The following FGF14 variants were observed in gnomAD, a reference collection of about 807,000 sequenced individuals.
FGF14 encodes the protein fibroblast growth factor homologous factor 4.
A neutral mutation model predicts 25.5 loss-of-function variants in FGF14; 5 were observed. The ratio of observed to expected loss-of-function variants is 0.20; its 90% CI spans 0.10 to 0.41. The LOEUF is 0.41. FGF14 is among the 10% of genes least tolerant of loss of function. The pLI, the probability that FGF14 is intolerant of heterozygous loss-of-function variation, is 1.00. For synonymous variants in FGF14, 138 were observed against 118.3 expected (o/e 1.17, Z -1.08); for missense variants, 222 against 320.1 (o/e 0.69, Z 2.34).
At chr13:101,867,669 G>C (rs544855850) in intron 3 of FGF14, among the ~76,000 whole-genome samples, 1 of 152,012 alleles carries the variant, frequency 6.6e-6, no homozygotes, top group Non-Finnish European at 1.5e-5. Flanking sequence ...CTGCATATTC[G>C]TCTTGTGCGA....
intron 1 of FGF14, chr13:102,366,592 C>CTGAAACACTG (rs1258926060): frequency 2.5e-5 from 3 of 121,770 alleles, no homozygotes; most frequent in Non-Finnish European, 4.7e-5. Flanking sequence ...CAAGCACTGG[C>CTGAAACACTG]TGAAACACTG....
intron 3 of FGF14, among the ~76,000 whole-genome samples, chr13:101,746,499 C>T (rs1045078946): frequency 6.6e-6 from 1 of 151,960 alleles, no homozygotes; most frequent in African/African-American, 2.4e-5. Context: ...CATGCAATGT[C>T]GAATGCAATT....
intron 1 of FGF14, among the ~76,000 whole-genome samples, chr13:101,953,899 G>C (rs75507154): frequency 0.022 from 3,349 of 152,076 alleles, 43 homozygotes; most frequent in Non-Finnish European, 0.034. Context: ...CAGCTTTCTA[G>C]ATTTTTACCA....
chr13:101,791,286 T>G (rs532611517), intron 3 of FGF14, among the ~76,000 whole-genome samples: 3 of 152,168 alleles, frequency 2.0e-5, no homozygotes, highest in African/African-American at 7.2e-5. Context: ...ATAGGCGGCA[T>G]GAATATTTTG....
chr13:102,106,637 A>C (rs1217481872), intron 1 of FGF14, among the ~76,000 whole-genome samples: 5 of 151,990 alleles, frequency 3.3e-5, no homozygotes, highest in Non-Finnish European at 7.4e-5. Flanking sequence ...AGAGAGAGAA[A>C]GAAAGAAAAG....
At chr13:102,161,613 G>GTC (rs2047689839) in intron 1 of FGF14, among the ~76,000 whole-genome samples, 1 of 3,334 alleles carries the variant, frequency 3.0e-4, no homozygotes, top group African/African-American at 2.4e-3. Context: ...AGAAGAAGAA[G>GTC]AAGAAGAAGA....
chr13:102,004,108 T>C (rs1322213575), intron 1 of FGF14, among the ~76,000 whole-genome samples: 1 of 152,176 alleles, frequency 6.6e-6, no homozygotes, highest in Non-Finnish European at 1.5e-5. Context: ...CTGCATTGAC[T>C]AGCATTATTC....
At chr13:102,332,487 T>G (rs2056663131) in intron 1 of FGF14, among the ~76,000 whole-genome samples, 1 of 152,152 alleles carries the variant, frequency 6.6e-6, no homozygotes, top group Non-Finnish European at 1.5e-5. Flanking sequence ...AATCCAAAAA[T>G]GCAAGAGTGA....
intron 1 of FGF14, among the ~76,000 whole-genome samples, chr13:102,144,733 T>C (rs75671078): frequency 0.014 from 2,067 of 152,240 alleles, 46 homozygotes; most frequent in African/African-American, 0.047. Context: ...TTGAATTGCA[T>C]TGATCCCAGA....
At chr13:102,188,167 A>G (rs2048947640) in intron 1 of FGF14, among the ~76,000 whole-genome samples, 1 of 152,182 alleles carries the variant, frequency 6.6e-6, no homozygotes. Context: ...TTGGCTATCT[A>G]TCATGAAGTA....
chr13:102,100,376 G>A (rs762344682), intron 1 of FGF14, among the ~76,000 whole-genome samples: 18 of 137,180 alleles, frequency 1.3e-4, no homozygotes, highest in Non-Finnish European at 1.5e-4. Flanking sequence ...AAAATGCCAC[G>A]CCCTCCTAGC....
intron 1 of FGF14, among the ~76,000 whole-genome samples, chr13:102,019,486 T>C (rs1316925588): frequency 6.6e-6 from 1 of 152,082 alleles, no homozygotes; most frequent in Non-Finnish European, 1.5e-5. Flanking sequence ...AAACATCCCA[T>C]CTGTCCCTGG....
At chr13:102,048,281 T>C (rs903921718) in intron 1 of FGF14, among the ~76,000 whole-genome samples, 1 of 152,134 alleles carries the variant, frequency 6.6e-6, no homozygotes, top group Admixed American at 6.5e-5. Flanking sequence ...TTTTGTCTTC[T>C]AGAAAAGGGG....
At chr13:101,791,559 C>G (rs563417553) in intron 3 of FGF14, among the ~76,000 whole-genome samples, 3 of 152,214 alleles carry the variant, frequency 2.0e-5, no homozygotes, top group South Asian at 4.1e-4. Flanking sequence ...ACTCCTTTCT[C>G]CAATACTTCC....
intron 1 of FGF14, among the ~76,000 whole-genome samples, chr13:101,875,557 TAAAC>T (rs1303919545): frequency 6.6e-6 from 1 of 152,226 alleles, no homozygotes; most frequent in Admixed American, 6.5e-5. Context: ...TTAAAACTAT[TAAAC>T]TAATTAAGCT....
At chr13:102,401,599 C>T (rs1367765040) in exon 1 of FGF14, 1 of 1,614,014 alleles carries the variant, frequency 6.2e-7, no homozygotes. Flanking sequence ...CTTAGACACC[C>T]TGAGAAAGAA....
At chr13:102,009,982 C>A (rs2039996888) in intron 1 of FGF14, among the ~76,000 whole-genome samples, 1 of 152,032 alleles carries the variant, frequency 6.6e-6, no homozygotes, top group Non-Finnish European at 1.5e-5. Context: ...TCTAAAAGTT[C>A]TTAAATGTTG....
At chr13:101,971,854 T>C (rs1370404430) in intron 1 of FGF14, among the ~76,000 whole-genome samples, 4 of 152,228 alleles carry the variant, frequency 2.6e-5, no homozygotes, top group Non-Finnish European at 4.4e-5. Flanking sequence ...ATCAAGTTAG[T>C]AATAACACAG....
chr13:102,078,874 T>A (rs1328482310), intron 1 of FGF14, among the ~76,000 whole-genome samples: 1 of 152,216 alleles, frequency 6.6e-6, no homozygotes, highest in African/African-American at 2.4e-5. Flanking sequence ...TCTACATTCA[T>A]GGTGTAGAGA....
Sources: allele counts gnomAD v4.1 joint callset (sites outside exome capture counted in the v4.1 genomes callset), GRCh38; gene constraint gnomAD v4.1.1; transcripts MANE v1.5; gene names NCBI Gene and HGNC (gene_info 2026-07-23, HGNC 2026-07-21).